The following HECTD2 variants were observed in gnomAD, a reference collection of about 807,000 sequenced individuals.
The protein encoded by HECTD2 is probable E3 ubiquitin-protein ligase HECTD2.
Under a neutral mutation model 103.2 loss-of-function variants are expected in HECTD2, and 35 were observed. The ratio of observed to expected loss-of-function variants is 0.34; its 90% CI spans 0.26 to 0.45. The LOEUF is 0.45. Among genes scored for constraint, HECTD2 ranks in the 20% least tolerant of loss-of-function variants. The pLI, the probability that HECTD2 is intolerant of heterozygous loss-of-function variation, is 1.00. For synonymous variants in HECTD2, 281 were observed against 329.9 expected (o/e 0.85, Z 1.61); for missense variants, 596 against 937.4 (o/e 0.64, Z 4.76).
At chr10:91,464,430 A>G (rs952167061) in intron 5 of HECTD2, 1 of 152,234 alleles carries the variant, frequency 6.6e-6, no homozygotes, top group Non-Finnish European at 1.5e-5. Flanking sequence ...CTGGAACATG[A>G]CAGTAGAAAT....
rs1842866806 is a variant in HECTD2 at position 91,410,449 on chromosome 10, C to T, written c.11C>T (p.Ala4Val). MSE[A>V]VRVPSPATPL... ...GCCGCCCGGCCCGACATGAGTGAGG[C>T]GGTTCGGGTACCCTCGCCCGCCACT... The change falls in exon 1 of 21, where the codon GCG (alanine) becomes GTG (valine). Residue 4 changes from alanine to valine, a missense_variant. This residue lies in a region of HECTD2 where 220 missense variants were observed against 233.9 expected (regional missense o/e 0.94). Coordinates refer to ENST00000298068, the MANE Select transcript of HECTD2 (RefSeq NM_182765.6). The T allele has an allele frequency of 9.0e-6, 13 of 1,449,214 alleles. No homozygotes were observed. The highest frequency in any genetic ancestry group is 2.5e-5 in the Admixed American group (1 of 39,640). 89.8% of individuals were successfully genotyped at this position (1,449,214 alleles called of 1,614,324 possible). A position where few individuals can be genotyped will look rare whatever the true frequency, so the allele number is the denominator to read the frequency against.
intron 16 of HECTD2, among the ~76,000 whole-genome samples, chr10:91,498,596 C>T (rs1040432395): frequency 2.0e-5 from 3 of 152,104 alleles, no homozygotes; most frequent in East Asian, 1.9e-4. Context: ...TCCAGGGACC[C>T]GCTGTGTATT....
chr10:91,509,352 C>T (rs564113539), intron 20 of HECTD2, among the ~76,000 whole-genome samples: 1 of 152,100 alleles, frequency 6.6e-6, no homozygotes, highest in African/African-American at 2.4e-5. Flanking sequence ...AATGCTTATA[C>T]ACTGCTGGTG....
Position 91,462,191 on chromosome 10 carries a change from A to T in HECTD2, c.600+7A>T. On this transcript the variant is annotated splice_region_variant and intron_variant, in intron 5 of 20. Transcript: ENST00000298068. ...TGATACCTTACTTAATACTGTAAGT[A>T]TTATGACATGCAAGTAATATTATTC... The T allele has an allele frequency of 6.4e-7, 1 of 1,573,972 alleles. No homozygotes were observed. Among genetic ancestry groups the T allele is most frequent in the Non-Finnish European group, 8.7e-7 (1 of 1,153,918 alleles).
At chr10:91,410,307 G>T, upstream of HECTD2, 1 of 330,108 alleles carries the variant, frequency 3.0e-6, no homozygotes, top group South Asian at 1.1e-4. Flanking sequence ...GGCGGGGGCG[G>T]AGTGGCGGCG....
intron 2 of HECTD2, among the ~76,000 whole-genome samples, chr10:91,459,744 C>G (rs1269718913): frequency 1.3e-5 from 2 of 152,078 alleles, no homozygotes; most frequent in African/African-American, 2.4e-5. Flanking sequence ...ACATGTATGA[C>G]AGTAGTCCCC....
chr10:91,438,303 A>G (rs374013468), intron 2 of HECTD2, among the ~76,000 whole-genome samples: 76 of 152,230 alleles, frequency 5.0e-4, no homozygotes, highest in Admixed American at 9.8e-4. Flanking sequence ...TCATTGTTCA[A>G]CTGCCACTTA....
chr10:91,466,350 C>T (rs1483464041), intron 5 of HECTD2, among the ~76,000 whole-genome samples: 2 of 151,794 alleles, frequency 1.3e-5, no homozygotes, highest in Non-Finnish European at 2.9e-5. Flanking sequence ...TTATTGTTCT[C>T]TTCAAAAAAA....
At chr10:91,462,584 A>T (rs1381464019) in intron 5 of HECTD2, 1 of 1,046,176 alleles carries the variant, frequency 9.6e-7, no homozygotes, top group Non-Finnish European at 1.2e-6. Flanking sequence ...GGTGAAGCCC[A>T]AGAATTTTCA....
intron 16 of HECTD2, 82 bp from the exon 17 acceptor site, chr10:91,498,789 GT>G (rs1846780557): frequency 2.5e-6 from 2 of 804,526 alleles, no homozygotes; most frequent in Non-Finnish European, 2.0e-6. Flanking sequence ...GAAAAAAACT[GT>G]TTTTTAAATT....
At chr10:91,421,329 T>G (rs1218265776) in intron 1 of HECTD2, among the ~76,000 whole-genome samples, 1 of 152,146 alleles carries the variant, frequency 6.6e-6, no homozygotes, top group East Asian at 1.9e-4. Flanking sequence ...CTTTGGTCAT[T>G]CATTCTTAAT....
intron 2 of HECTD2, among the ~76,000 whole-genome samples, chr10:91,459,458 C>T (rs574731990): frequency 1.7e-4 from 26 of 152,054 alleles, no homozygotes; most frequent in African/African-American, 5.8e-4. Context: ...AACCATATAG[C>T]GGTACACCCA....
At chr10:91,469,146 AAG>A (rs1845639193) in intron 5 of HECTD2, among the ~76,000 whole-genome samples, 1 of 152,208 alleles carries the variant, frequency 6.6e-6, no homozygotes, top group South Asian at 2.1e-4. Context: ...ACATCTCAGA[AAG>A]AGAGGGAGAG....
chr10:91,439,078 T>C (rs1186255025), intron 2 of HECTD2, among the ~76,000 whole-genome samples: 2 of 152,248 alleles, frequency 1.3e-5, no homozygotes, highest in Admixed American at 1.3e-4. Flanking sequence ...CTGTTTAGTT[T>C]AATTAGATGC....
At chr10:91,491,367 T>G (rs1303927079) in intron 12 of HECTD2, 60 bp downstream of exon 12, 7 of 798,782 alleles carry the variant, frequency 8.8e-6, no homozygotes, top group Non-Finnish European at 1.4e-5. Context: ...ATGATTATTA[T>G]AAAAATCATA....
At chr10:91,490,920 G>C (rs375343857) in intron 11 of HECTD2, among the ~76,000 whole-genome samples, 1 of 96,930 alleles carries the variant, frequency 1.0e-5, no homozygotes, top group Non-Finnish European at 2.0e-5. Context: ...AAAAAAAAAA[G>C]AGATGAGACA....
At chr10:91,494,011 A>G (rs1846572301) in intron 14 of HECTD2, among the ~76,000 whole-genome samples, 1 of 152,056 alleles carries the variant, frequency 6.6e-6, no homozygotes, top group African/African-American at 2.4e-5. Flanking sequence ...AGTATTTTTA[A>G]AAATTTTATA....
chr10:91,475,976 G>C (rs1845886427), intron 5 of HECTD2, among the ~76,000 whole-genome samples: 2 of 152,170 alleles, frequency 1.3e-5, no homozygotes. Context: ...TTCTGCTAGT[G>C]CTTTCTATTA....
chr10:91,498,064 A>G (rs1456684426), intron 15 of HECTD2, 44 bp from the exon 16 acceptor site: 4 of 1,292,076 alleles, frequency 3.1e-6, no homozygotes, highest in Non-Finnish European at 4.5e-6. Context: ...ATCCTAGCTA[A>G]TGCTATTCTA....
Sources: gnomAD v4.1 joint callset for allele counts (sites outside exome capture counted in the v4.1 genomes callset) on GRCh38, gnomAD v4.1.1 for gene constraint, gnomAD v4.1.1 regional missense constraint, MANE v1.5 for transcripts, NCBI Gene and HGNC (gene_info 2026-07-23, HGNC 2026-07-21) for gene names.